The following MBNL2 variants were observed in gnomAD, a reference collection of about 807,000 sequenced individuals.
MBNL2 encodes muscleblind like splicing regulator 2.
A neutral mutation model predicts 41.9 loss-of-function variants in MBNL2; 17 were observed. The ratio of observed to expected loss-of-function variants is 0.41; its 90% CI spans 0.28 to 0.61. The LOEUF (loss-of-function observed/expected upper bound fraction) is 0.61. MBNL2 is among the 20% of genes least tolerant of loss of function. The pLI is 0.35. For synonymous variants in MBNL2, 195 were observed against 182.9 expected (o/e 1.07, Z -0.53); for missense variants, 336 against 505.6 (o/e 0.66, Z 3.22).
At chr13:97,224,142 C>G (rs2041229435) in intron 1 of MBNL2, among the ~76,000 whole-genome samples, 1 of 152,186 alleles carries the variant, frequency 6.6e-6, no homozygotes, top group Non-Finnish European at 1.5e-5. Context: ...CAGGGCAAAG[C>G]TTTTTTTCTG....
chr13:97,302,325 C>T (rs2057707955), intron 2 of MBNL2, among the ~76,000 whole-genome samples: 1 of 152,164 alleles, frequency 6.6e-6, no homozygotes, highest in Non-Finnish European at 1.5e-5. Flanking sequence ...ATGCTTTTTA[C>T]AGAGCGTTAC....
the MBNL2 span, among the ~76,000 whole-genome samples, chr13:97,148,652 A>C: frequency 7.9e-5 from 12 of 152,330 alleles, no homozygotes; most frequent in African/African-American, 2.9e-4. Context: ...AAAGAAAAAA[A>C]TGATCATGCA....
chr13:97,214,484 A>G, the MBNL2 span, among the ~76,000 whole-genome samples: 1 of 152,202 alleles, frequency 6.6e-6, no homozygotes, highest in Non-Finnish European at 1.5e-5. Context: ...AATTTTGACA[A>G]AAGGCAGTAA....
chr13:97,169,404 G>T, the MBNL2 span, among the ~76,000 whole-genome samples: 28 of 152,092 alleles, frequency 1.8e-4, no homozygotes, highest in Admixed American at 1.8e-3. Flanking sequence ...TGACAAGAAG[G>T]GCTTGAAAAA....
upstream of MBNL2, among the ~76,000 whole-genome samples, chr13:97,220,240 T>A (rs1450247414): frequency 1.3e-5 from 2 of 152,224 alleles, no homozygotes; most frequent in Non-Finnish European, 2.9e-5. Context: ...TTATCTTAAT[T>A]AATATACGAC....
intron 2 of MBNL2, among the ~76,000 whole-genome samples, chr13:97,289,023 GC>G (rs1182428166): frequency 4.6e-5 from 7 of 152,162 alleles, no homozygotes; most frequent in African/African-American, 1.4e-4. Context: ...TGACTTAGAG[GC>G]CTTAACCTAG....
chr13:97,144,333 C>T, the MBNL2 span, among the ~76,000 whole-genome samples: 4 of 151,694 alleles, frequency 2.6e-5, no homozygotes, highest in Non-Finnish European at 5.9e-5. Context: ...ACTGCCTTCT[C>T]TTCTGCTTAG....
intron 2 of MBNL2, among the ~76,000 whole-genome samples, chr13:97,313,963 T>G (rs1439620193): frequency 6.6e-6 from 1 of 152,158 alleles, no homozygotes; most frequent in Middle Eastern, 3.2e-3. Flanking sequence ...CTAATACATT[T>G]AAAAAATATG....
intron 2 of MBNL2, among the ~76,000 whole-genome samples, chr13:97,324,479 C>A (rs2059755687): frequency 6.6e-6 from 1 of 152,138 alleles, no homozygotes; most frequent in African/African-American, 2.4e-5. Context: ...ACCCATGGGG[C>A]TGCAGACATT....
chr13:97,245,245 G>A (rs1048627336), intron 1 of MBNL2, among the ~76,000 whole-genome samples: 2 of 152,138 alleles, frequency 1.3e-5, no homozygotes, highest in African/African-American at 2.4e-5. Flanking sequence ...ATCAGTTGGT[G>A]GTGGCTGTCT....
In MBNL2 at chr13:97,268,046, G is replaced by A. The variant is rs1404234079; in HGVS notation, c.-604-7586G>A. Among the ~76,000 whole-genome samples, 2 of 151,872 alleles carry A rather than the reference G, an allele frequency of 1.3e-5. No individual in the cohort carries two copies. The highest frequency in any genetic ancestry group is 2.9e-5 in the Non-Finnish European group (2 of 67,982). On this transcript the variant is annotated intron_variant, in intron 1 of 8. Transcript: ENST00000679496. The surrounding 1 kb of genome is among the most constrained non-coding windows in gnomAD (Gnocchi z 4.6). ...ATCTGATCCAGGACCTTGGTGGTGG[G>A]GCCTAAGAGTGTGCTTTTCTTTTTT...
At chr13:97,259,267 A>G (rs935979012) in intron 1 of MBNL2, among the ~76,000 whole-genome samples, 1 of 152,094 alleles carries the variant, frequency 6.6e-6, no homozygotes, top group Non-Finnish European at 1.5e-5. Context: ...CATTCTCTAT[A>G]TATTCTGTGC....
the MBNL2 span, among the ~76,000 whole-genome samples, chr13:97,143,248 A>G: frequency 6.6e-6 from 1 of 152,214 alleles, no homozygotes; most frequent in Admixed American, 6.5e-5. Flanking sequence ...GTCCTTTGTC[A>G]TCTCATATAA....
the MBNL2 span, among the ~76,000 whole-genome samples, chr13:97,187,626 G>A: frequency 0.016 from 1,250 of 79,856 alleles, 18 homozygotes; most frequent in Non-Finnish European, 0.031. Context: ...AAAAAAAAGA[G>A]GCCGGGCGCG....
the MBNL2 span, among the ~76,000 whole-genome samples, chr13:97,208,166 A>G: frequency 1.5e-3 from 231 of 152,376 alleles, 2 homozygotes; most frequent in African/African-American, 5.4e-3. Context: ...GACTTCTCAA[A>G]GCCTTTAATA....
chr13:97,237,209 G>A (rs1167381684), intron 1 of MBNL2, among the ~76,000 whole-genome samples: 1 of 152,180 alleles, frequency 6.6e-6, no homozygotes, highest in Non-Finnish European at 1.5e-5. Flanking sequence ...CCACCTCTCA[G>A]GATTTTTGTG....
At chr13:97,315,442 C>A (rs977937376) in intron 2 of MBNL2, among the ~76,000 whole-genome samples, 1 of 152,216 alleles carries the variant, frequency 6.6e-6, no homozygotes, top group African/African-American at 2.4e-5. Context: ...GAGAAACTTA[C>A]AAGATAGGCC....
Position 97,276,158 on chromosome 13 carries a change from C to T in MBNL2, c.-78C>T. The T allele has an allele frequency of 2.7e-6, 3 of 1,127,256 alleles. No homozygotes were observed. The highest frequency in any genetic ancestry group is 4.0e-6 in the Non-Finnish European group (3 of 759,354). 69.8% of individuals were successfully genotyped at this position (1,127,256 alleles called of 1,614,324 possible). The stretch of plus-strand genomic sequence containing the variant: ...GACTTACATGTGGGAGTTTTCACAA[C>T]AGTAGTTTTGGAATCATTAGAACTT... On this transcript the variant is annotated 5_prime_UTR_variant, in exon 2 of 9. The change creates a premature stop within an existing upstream ORF in the 5' untranslated region. Transcript: ENST00000679496.
the MBNL2 span, among the ~76,000 whole-genome samples, chr13:97,193,701 T>C: frequency 3.3e-5 from 5 of 152,142 alleles, no homozygotes; most frequent in Non-Finnish European, 5.9e-5. Flanking sequence ...GAGATCAGCA[T>C]GTGGCAGTTG....
Sources: allele counts gnomAD v4.1 joint callset (sites outside exome capture counted in the v4.1 genomes callset), GRCh38; gene constraint gnomAD v4.1.1; non-coding constraint Gnocchi (gnomAD v3.1); transcripts MANE v1.5; gene names NCBI Gene and HGNC (gene_info 2026-07-23, HGNC 2026-07-21).